The following OR3A2 variants were observed in gnomAD, a reference collection of about 807,000 sequenced individuals.
The protein encoded by OR3A2 is olfactory receptor family 3 subfamily A member 2.
For synonymous variants in OR3A2, 126 were observed against 159.3 expected (o/e 0.79, Z 1.57); for missense variants, 318 against 392.8 (o/e 0.81, Z 1.61).
Position 3,362,173 on chromosome 17 carries a change from A to C in OR3A2, c.-179+21631T>G, listed in dbSNP as rs191140589. Among the ~76,000 whole-genome samples the C allele has an allele frequency of 1.9e-3, 283 of 151,598 alleles. 7 individuals are homozygous for C. Among genetic ancestry groups the C allele is most frequent in the African/African-American group, 6.2e-3 (256 of 40,990 alleles). On this transcript the variant is annotated intron_variant, in intron 2 of 4. Coordinates refer to the OR3A2 transcript ENST00000573491. ...GGTGTATGTGTTGAGGAATTTATCCATTTCTTCTAGATTTTCTAGTTTATT... is the reference window on the plus strand; with the variant it reads ...GGTGTATGTGTTGAGGAATTTATCCCTTTCTTCTAGATTTTCTAGTTTATT...
intron 3 of OR3A2, chr17:3,292,215 T>G: frequency 6.2e-7 from 1 of 1,613,972 alleles, no homozygotes; most frequent in Non-Finnish European, 8.5e-7. Context: ...GAATCGGTCA[T>G]AGGCCATGGC....
At chr17:3,326,001 T>C (rs143842436) in intron 3 of OR3A2, among the ~76,000 whole-genome samples, 15 of 152,202 alleles carry the variant, frequency 9.9e-5, no homozygotes, top group Non-Finnish European at 1.2e-4. Flanking sequence ...CCATGTGCTC[T>C]CATAGTTCAT....
intron 1 of OR3A2, among the ~76,000 whole-genome samples, chr17:3,282,595 G>A (rs1206037669): frequency 6.6e-6 from 1 of 152,180 alleles, no homozygotes; most frequent in East Asian, 1.9e-4. Flanking sequence ...GATGCCACAT[G>A]GGTGAGAATG....
chr17:3,286,093 G>C (rs2048808450), upstream of OR3A2, among the ~76,000 whole-genome samples: 1 of 152,026 alleles, frequency 6.6e-6, no homozygotes, highest in Non-Finnish European at 1.5e-5. Context: ...AGGCCCTGGT[G>C]TGTGGTCTTC....
chr17:3,377,862 A>G (rs1032825499), intron 2 of OR3A2, among the ~76,000 whole-genome samples: 25 of 152,248 alleles, frequency 1.6e-4, no homozygotes, highest in African/African-American at 6.0e-4. Context: ...AACTAGTCTG[A>G]CCATTTTGGA....
In OR3A2 at chr17:3,328,842, T is replaced by G. The variant is rs1313915979; in HGVS notation, c.-85+7191A>C. Among the ~76,000 whole-genome samples the G allele has an allele frequency of 2.8e-4, 42 of 148,616 alleles. 2 individuals carry two copies. The Admixed American group carries it at 2.8e-3, about 10-fold the overall frequency. On this transcript the variant is annotated intron_variant, in intron 3 of 4. Transcript: ENST00000573491. ...ATGTGGTTTTTGTCTTCGGCTCTGTTTATATGCTGGATTACATTTATTGAT... is the reference window on the plus strand; with the variant it reads ...ATGTGGTTTTTGTCTTCGGCTCTGTGTATATGCTGGATTACATTTATTGAT...
intron 3 of OR3A2, among the ~76,000 whole-genome samples, chr17:3,299,400 T>C (rs972164303): frequency 6.6e-6 from 1 of 152,116 alleles, no homozygotes; most frequent in African/African-American, 2.4e-5. Context: ...TGGGGGGCAC[T>C]GGAATTGCAT....
chr17:3,347,755 T>C (rs151223789), intron 2 of OR3A2, among the ~76,000 whole-genome samples: 53 of 152,358 alleles, frequency 3.5e-4, no homozygotes, highest in African/African-American at 1.3e-3. Context: ...TTTGGGTATA[T>C]ACCCAGTAAT....
chr17:3,319,601 C>T (rs573788528), intron 3 of OR3A2, among the ~76,000 whole-genome samples: 1 of 152,222 alleles, frequency 6.6e-6, no homozygotes, highest in African/African-American at 2.4e-5. Flanking sequence ...GTTGAACTCC[C>T]ACTTATGAGT....
chr17:3,304,263 A>G (rs1322716733), intron 3 of OR3A2, among the ~76,000 whole-genome samples: 1 of 152,088 alleles, frequency 6.6e-6, no homozygotes, highest in African/African-American at 2.4e-5. Flanking sequence ...CACAGATTCC[A>G]ATGCAGCCAA....
At chr17:3,287,165 T>C (rs1475581801), upstream of OR3A2, among the ~76,000 whole-genome samples, 1 of 152,176 alleles carries the variant, frequency 6.6e-6, no homozygotes, top group Non-Finnish European at 1.5e-5. Context: ...AAGTTTGAGA[T>C]CTTGGGATGG....
intron 2 of OR3A2, among the ~76,000 whole-genome samples, chr17:3,374,669 G>A (rs76424084): frequency 0.074 from 11,308 of 152,026 alleles, 1,000 homozygotes; most frequent in East Asian, 0.48. Flanking sequence ...CTATTTCTCT[G>A]GAGACATTTT....
rs563297929 is a variant in OR3A2 at position 3,280,397 on chromosome 17, G to A, written c.-6-1474C>T. On this transcript the variant is annotated intron_variant, in intron 1 of 1. Transcript: ENST00000642052. ...CGCCATTCTCCTGCCTCAGCCTCCT[G>A]AATAGCTGGGACTACAGGCGCCCAC... Among the ~76,000 whole-genome samples the A allele has an allele frequency of 4.6e-3, 705 of 151,720 alleles. 4 individuals carry two copies. Among genetic ancestry groups the A allele is most frequent in the African/African-American group, 0.016 (674 of 41,310 alleles).
At chr17:3,318,000 T>C (rs997608387) in intron 3 of OR3A2, among the ~76,000 whole-genome samples, 16 of 152,126 alleles carry the variant, frequency 1.1e-4, no homozygotes, top group African/African-American at 3.4e-4. Context: ...CAGTTTATTT[T>C]GGCGTTTTAG....
intron 2 of OR3A2, among the ~76,000 whole-genome samples, chr17:3,343,003 C>G (rs1017730234): frequency 6.6e-6 from 1 of 152,180 alleles, no homozygotes; most frequent in African/African-American, 2.4e-5. Flanking sequence ...CCTTGCAGTT[C>G]GATCTTGGAC....
intron 2 of OR3A2, among the ~76,000 whole-genome samples, chr17:3,348,735 C>T (rs561348477): frequency 6.6e-6 from 1 of 152,144 alleles, no homozygotes; most frequent in South Asian, 2.1e-4. Context: ...TTGTCAGATT[C>T]ACCAAAGTTG....
At chr17:3,325,988 T>C (rs960923529) in intron 3 of OR3A2, among the ~76,000 whole-genome samples, 1 of 152,066 alleles carries the variant, frequency 6.6e-6, no homozygotes, top group Non-Finnish European at 1.5e-5. Context: ...TCCCCGAATG[T>C]GTCCATGTGC....
At chr17:3,371,889 C>G (rs2049629754) in intron 2 of OR3A2, among the ~76,000 whole-genome samples, 1 of 145,512 alleles carries the variant, frequency 6.9e-6, no homozygotes, top group Non-Finnish European at 1.5e-5. Context: ...ACCCCCCCAC[C>G]TCCCTCCCGG....
intron 2 of OR3A2, among the ~76,000 whole-genome samples, chr17:3,340,631 G>GACAA (rs201273357): frequency 2.0e-5 from 3 of 151,898 alleles, no homozygotes; most frequent in Non-Finnish European, 2.9e-5. Context: ...TGGTCAGAGA[G>GACAA]TTTGTTGTGA....
Sources: gnomAD v4.1 joint callset for allele counts (sites outside exome capture counted in the v4.1 genomes callset) on GRCh38, gnomAD v4.1.1 for gene constraint, MANE v1.5 for transcripts, NCBI Gene and HGNC (gene_info 2026-07-23, HGNC 2026-07-21) for gene names.